Variants in MBD5 observed in about 807,000 individuals in gnomAD.
MBD5 encodes methyl-CpG-binding domain protein 5.
A neutral mutation model predicts 117.3 loss-of-function variants in MBD5; 13 were observed. That is an observed-to-expected ratio of 0.11 (90% CI 0.07 to 0.18). The LOEUF (loss-of-function observed/expected upper bound fraction) is 0.18, where lower values mean the gene tolerates loss of function less well. Among genes scored for constraint, MBD5 ranks in the 10% least tolerant of loss-of-function variants. The pLI is 1.00. For missense variants in MBD5, 1,879 were observed against 2,093.8 expected, an observed-to-expected ratio of 0.90 and a Z score of 2.00; for synonymous variants, 727 against 766.4, an observed-to-expected ratio of 0.95 and a Z score of 0.85.
At chr2:148,115,683 T>C (rs1338613262) in intron 1 of MBD5, among the ~76,000 whole-genome samples, 1 of 152,170 alleles carries the variant, frequency 6.6e-6, no homozygotes, top group African/African-American at 2.4e-5. Flanking sequence ...TAATTTATCA[T>C]ATCTTTTGCT....
At chr2:148,323,057 C>T (rs1702330891) in intron 3 of MBD5, among the ~76,000 whole-genome samples, 1 of 150,494 alleles carries the variant, frequency 6.6e-6, no homozygotes, top group Non-Finnish European at 1.5e-5. Context: ...CATGTGTTCT[C>T]ATTGTACAAT....
chr2:148,169,615 T>A (rs1045828354), intron 1 of MBD5, among the ~76,000 whole-genome samples: 3 of 152,178 alleles, frequency 2.0e-5, no homozygotes, highest in African/African-American at 7.2e-5. Flanking sequence ...TAGACATTTT[T>A]AGAAAATGCT....
At chr2:148,229,900 CTG>C (rs1699940170) in intron 2 of MBD5, among the ~76,000 whole-genome samples, 1 of 152,174 alleles carries the variant, frequency 6.6e-6, no homozygotes, top group Non-Finnish European at 1.5e-5. Flanking sequence ...GTCTCTGTCT[CTG>C]TCTCTCTCTC....
rs369313115 is a variant in MBD5, at chr2:148,408,693, A to G, written c.-556-49510A>G. Among the ~76,000 whole-genome samples the G allele has an allele frequency of 3.3e-5, 5 of 152,272 alleles. No individual in the cohort carries two copies. In the East Asian group the frequency reaches 7.7e-4, roughly 24 times the overall value. On this transcript the variant is annotated intron_variant, in intron 4 of 13. Coordinates refer to ENST00000642680, the MANE Select transcript of MBD5 (RefSeq NM_001378120.1). ...GGGCTTCATACACCCCTATTTATGT[A>G]TTAAAATTTGTGATTGAAAGGAAAT...
At position 148,469,103 on chromosome 2, in the gene MBD5, C is replaced by G; in HGVS notation, c.1160C>G (p.Ser387Cys). The G allele has an allele frequency of 6.2e-7, 1 of 1,614,054 alleles. No individual in the cohort carries two copies. Among genetic ancestry groups the G allele is most frequent in the Non-Finnish European group, 8.5e-7 (1 of 1,179,952 alleles). The change falls in exon 8 of 14, where the codon TCT becomes TGT. Residue 387 changes from serine to cysteine, a missense_variant. Ser to Cys is a moderately radical substitution (Grantham distance 112). Transcript: ENST00000642680. ...ACCAGTTTCCATTCAAATGTCCACT[C>G]TCAGGTACCTATGATGAATGTAAGC... ...NPTSFHSNVH[S>C]QVPMMNVSMP...
At chr2:148,313,144 A>C (rs367675154) in intron 3 of MBD5, among the ~76,000 whole-genome samples, 3 of 152,046 alleles carry the variant, frequency 2.0e-5, no homozygotes, top group African/African-American at 7.2e-5. Flanking sequence ...GACCCATTTG[A>C]GGAGGCAGTC....
chr2:148,109,656 TAC>T (rs1393413480), intron 1 of MBD5, among the ~76,000 whole-genome samples: 1 of 152,180 alleles, frequency 6.6e-6, no homozygotes, highest in Non-Finnish European at 1.5e-5. Context: ...TCAAATTGTG[TAC>T]ATTTAAAATA....
At position 148,468,754 on chromosome 2, in the gene MBD5, A is replaced by C. The variant is rs899476247; in HGVS notation, c.811A>C (p.Thr271Pro). 6.2e-7 allele frequency: 1 copy of C among 1,612,216 alleles called. No individual in the cohort carries two copies. The highest frequency in any genetic ancestry group is 8.5e-7 in the Non-Finnish European group (1 of 1,179,428). The change falls in exon 8 of 14, where the codon ACT (threonine) becomes CCT (proline). Residue 271 changes from threonine (T) to proline (P), a missense_variant. Thr to Pro is a conservative substitution (Grantham distance 38). This residue lies in a region of MBD5 where 1,666 missense variants were observed against 1,792.2 expected (regional missense o/e 0.93). Coordinates refer to ENST00000642680, the MANE Select transcript of MBD5 (RefSeq NM_001378120.1). ...PNSSPIHLNR[T>P]PLSPPSVMLH... ...TTCTAGTCCTATTCACCTGAATAGGACTCCTCTTTCTCCACCTTCAGTAAT... is the reference window on the plus strand; with the variant it reads ...TTCTAGTCCTATTCACCTGAATAGGCCTCCTCTTTCTCCACCTTCAGTAAT...
chr2:148,441,075 C>G (rs1281059150), intron 4 of MBD5, among the ~76,000 whole-genome samples: 1 of 151,998 alleles, frequency 6.6e-6, no homozygotes, highest in African/African-American at 2.4e-5. Context: ...CCTGCTTCAT[C>G]CCTAGCTCTA....
chr2:148,454,047 G>A lies in MBD5; in HGVS notation c.-556-4156G>A, dbSNP rs563759815. Among the ~76,000 whole-genome samples the A allele has an allele frequency of 3.9e-5, 6 of 152,026 alleles. No individual in the cohort carries two copies. The South Asian group carries it at 1.2e-3, about 32-fold the overall frequency. On this transcript the variant is annotated intron_variant, in intron 4 of 13. Transcript: ENST00000642680. The stretch of plus-strand genomic sequence containing the variant: ...TTTATTTGTCATTGTGAAAATTTGG[G>A]AGAAAAATCTATGTCCACCAAAGGA...
intron 4 of MBD5, among the ~76,000 whole-genome samples, chr2:148,360,597 A>G (rs1475404747): frequency 1.3e-5 from 2 of 152,150 alleles, no homozygotes; most frequent in East Asian, 3.9e-4. Flanking sequence ...CTATACAGAA[A>G]TCTTCCTGCT....
At chr2:148,357,221 A>G (rs1559038021) in intron 4 of MBD5, among the ~76,000 whole-genome samples, 1 of 152,204 alleles carries the variant, frequency 6.6e-6, no homozygotes, top group Non-Finnish European at 1.5e-5. Flanking sequence ...TGTTTTTTAT[A>G]ATAGTCTTCA....
chr2:148,040,945 A>G (rs1215146593), intron 1 of MBD5, among the ~76,000 whole-genome samples: 1 of 152,056 alleles, frequency 6.6e-6, no homozygotes, highest in African/African-American at 2.4e-5. Flanking sequence ...TACCAGTGAT[A>G]TGCTTTTGTG....
intron 4 of MBD5, among the ~76,000 whole-genome samples, chr2:148,345,364 TATAC>T (rs1703069280): frequency 6.8e-6 from 1 of 146,312 alleles, no homozygotes; most frequent in Non-Finnish European, 1.5e-5. Context: ...CATATACACA[TATAC>T]ATATACACAT....
At chr2:148,134,234 A>AGATAGATAGATC (rs1553475733) in intron 1 of MBD5, among the ~76,000 whole-genome samples, 148 of 151,174 alleles carry the variant, frequency 9.8e-4, no homozygotes, top group African/African-American at 3.4e-3. Flanking sequence ...ATAGATAGAT[A>AGATAGATAGATC]GATCGATCGA....
At chr2:148,223,883 C>A (rs933349943) in intron 2 of MBD5, among the ~76,000 whole-genome samples, 6 of 151,970 alleles carry the variant, frequency 3.9e-5, no homozygotes, top group Admixed American at 3.9e-4. Context: ...CTTCTTAGTA[C>A]TACGTTTGCT....
chr2:148,394,140 G>A (rs896877682), intron 4 of MBD5, among the ~76,000 whole-genome samples: 3 of 152,162 alleles, frequency 2.0e-5, no homozygotes, highest in Admixed American at 6.5e-5. Flanking sequence ...AATTCACTGC[G>A]TGGCTATATT....
chr2:148,510,149 T>C lies in MBD5; in HGVS notation c.5112+14T>C, dbSNP rs1370959692. ...ATGTCTGGGACTGTAAGTTAATTTA[T>C]TTTTCCATTATACTACGTTTCTTTG... is the stretch of plus-strand genomic sequence containing the variant. On this transcript the variant is annotated intron_variant, in intron 13 of 13. Transcript: ENST00000642680. The C allele has an allele frequency of 6.3e-7, 1 of 1,576,064 alleles. No individual in the cohort carries two copies. The highest frequency in any genetic ancestry group is 1.1e-5 in the South Asian group (1 of 90,272).
At chr2:148,035,257 G>A (rs556697376) in intron 1 of MBD5, among the ~76,000 whole-genome samples, 6 of 152,196 alleles carry the variant, frequency 3.9e-5, no homozygotes, top group East Asian at 1.9e-4. Context: ...GCAAGTCTTC[G>A]TTGAATAAGC....
Sources: gnomAD v4.1 joint callset for allele counts (sites outside exome capture counted in the v4.1 genomes callset) on GRCh38, gnomAD v4.1.1 for gene constraint, gnomAD v4.1.1 regional missense constraint, MANE v1.5 for transcripts, NCBI Gene and HGNC (gene_info 2026-07-23, HGNC 2026-07-21) for gene names.